Variants in SLC4A5 observed in about 807,000 individuals in gnomAD.
SLC4A5 encodes the protein solute carrier family 4 member 5.
A neutral mutation model predicts 120.4 loss-of-function variants in SLC4A5; 96 were observed. The observed-to-expected ratio is 0.80, with a 90% CI of 0.68 to 0.94. The LOEUF (loss-of-function observed/expected upper bound fraction) is 0.94, where lower values mean the gene tolerates loss of function less well. SLC4A5 is among the 40% of genes least tolerant of loss of function. The pLI is 0.00. For synonymous variants in SLC4A5, 550 were observed against 571.1 expected (o/e 0.96, Z 0.53); for missense variants, 1,259 against 1,459.5 (o/e 0.86, Z 2.24).
chr2:74,233,508 C>T lies in SLC4A5; in HGVS notation c.2489G>A (p.Trp830Ter), dbSNP rs1242496504. Reference sequence around the variant, plus strand: ...GGGCAGGATGCTTGCTGGGTATACCCACCACGGGTTCTTCCCAAAGGGGGC... The same window carrying T: ...GGGCAGGATGCTTGCTGGGTATACCTACCACGGGTTCTTCCCAAAGGGGGC... Residue 830 changes from tryptophan (W) to a stop codon, truncating the protein, a stop_gained, in exon 23 of 31, where the codon TGG becomes TAG. Transcript: ENST00000394019. LOFTEE classifies it high-confidence loss of function. The T allele has an allele frequency of 6.2e-7, 1 of 1,614,102 alleles. No homozygotes were observed. The highest frequency in any genetic ancestry group is 8.5e-7 in the Non-Finnish European group (1 of 1,179,974).
intron 7 of SLC4A5, among the ~76,000 whole-genome samples, chr2:74,288,046 C>A (rs1010883120): frequency 1.3e-5 from 2 of 152,282 alleles, no homozygotes; most frequent in African/African-American, 2.4e-5. Flanking sequence ...TTGACAAAGG[C>A]AGAGGTTTCA....
At position 74,255,817 on chromosome 2, in the gene SLC4A5, G is replaced by T; in HGVS notation, c.983C>A (p.Ser328Ter). The stretch of plus-strand genomic sequence containing the variant: ...CTCGGTCACTCCTCCCAGCATGGCC[G>T]ACTGGATGAGGCGCACGAACGCGAT... The change falls in exon 13 of 31, where the codon TCG (serine) becomes TAG (stop). Residue 328 changes from serine (S) to a stop codon, truncating the protein, a stop_gained. Coordinates refer to ENST00000394019, the Ensembl canonical transcript of SLC4A5. LOFTEE classifies it high-confidence loss of function. This position sits in a 1 kb window ranked among gnomAD's most constrained non-coding sequence, Gnocchi z 4.0. 6.2e-7 allele frequency: 1 copy of T among 1,614,162 alleles called. No individual in the cohort carries two copies. Among genetic ancestry groups the T allele is most frequent in the Non-Finnish European group, 8.5e-7 (1 of 1,180,028 alleles).
rs74733447 is a variant in SLC4A5 at position 74,300,648 on chromosome 2, T to C, written c.271+3841A>G. Among the ~76,000 whole-genome samples the C allele has an allele frequency of 5.2e-4, 79 of 152,296 alleles. 1 individual carries two copies. In the East Asian group the frequency reaches 0.014, roughly 28 times the overall value. The stretch of plus-strand genomic sequence containing the variant: ...CACCACCTAGGCCTATGTGCTCCTG[T>C]TTCTCCTCCTATAGTTTCCTGTGCA... On this transcript the variant is annotated intron_variant, in intron 7 of 30. Coordinates refer to ENST00000394019, the Ensembl canonical transcript of SLC4A5.
chr2:74,301,066 G>A (rs187436723), intron 7 of SLC4A5, among the ~76,000 whole-genome samples: 2 of 152,188 alleles, frequency 1.3e-5, no homozygotes, highest in African/African-American at 2.4e-5. Flanking sequence ...CATCTAACAC[G>A]TCAGGCAGCT....
chr2:74,295,226 G>A (rs575843128), intron 7 of SLC4A5, among the ~76,000 whole-genome samples: 7 of 152,136 alleles, frequency 4.6e-5, no homozygotes, highest in Non-Finnish European at 1.0e-4. Flanking sequence ...TGGGGGGTGG[G>A]AGTTGCCAAA....
intron 15 of SLC4A5, 112 bp downstream of exon 15, chr2:74,252,862 A>T (rs1670835795): frequency 1.5e-6 from 2 of 1,300,638 alleles, no homozygotes; most frequent in Admixed American, 3.9e-5. Context: ...TGTTGAGATT[A>T]CAGGCATGAG....
chr2:74,311,513 G>A (rs1348699054), intron 6 of SLC4A5, among the ~76,000 whole-genome samples: 1 of 152,004 alleles, frequency 6.6e-6, no homozygotes, highest in Non-Finnish European at 1.5e-5. Context: ...TTTTCATTTA[G>A]TCCAAAATAT....
At chr2:74,339,269 A>G (rs2104357854) in intron 2 of SLC4A5, 1 of 152,370 alleles carries the variant, frequency 6.6e-6, no homozygotes, top group South Asian at 2.1e-4. Context: ...CAGGAAGAAC[A>G]GCTAATATTT....
At chr2:74,334,817 T>A (rs1374886773) in intron 3 of SLC4A5, among the ~76,000 whole-genome samples, 2 of 152,074 alleles carry the variant, frequency 1.3e-5, no homozygotes, top group East Asian at 3.9e-4. Context: ...TGAATCAATG[T>A]GAAACCTTAG....
intron 17 of SLC4A5, among the ~76,000 whole-genome samples, chr2:74,248,799 T>A (rs1322336603): frequency 6.6e-6 from 1 of 152,248 alleles, no homozygotes; most frequent in African/African-American, 2.4e-5. Context: ...CATTTATCCA[T>A]CTGATTATTC....
At chr2:74,334,632 T>C (rs912636686) in intron 3 of SLC4A5, among the ~76,000 whole-genome samples, 13 of 152,208 alleles carry the variant, frequency 8.5e-5, no homozygotes, top group African/African-American at 3.1e-4. Flanking sequence ...AGAAAGTTTG[T>C]CTTATTCACT....
In SLC4A5 at chr2:74,255,055, G is replaced by A. The variant is rs781582576; in HGVS notation, c.1026-349C>T. On this transcript the variant is annotated intron_variant, in intron 13 of 30. Transcript: ENST00000394019. The surrounding 1 kb of genome is among the most constrained non-coding windows in gnomAD (Gnocchi z 4.0). ...AGGCTGGTCTCCAACTCCTGGGCTC[G>A]AGCAATTCACCCGCCTTGGCCTCCC... 5.3e-5 allele frequency among the ~76,000 whole-genome samples: 8 copies of A among 151,786 alleles called. No individual in the cohort carries two copies. Among genetic ancestry groups the A allele is most frequent in the South Asian group, 4.2e-4 (2 of 4,792 alleles).
chr2:74,231,379 T>A, intron 24 of SLC4A5, 71 bp from the exon 25 acceptor site: 1 of 1,379,774 alleles, frequency 7.2e-7, no homozygotes, highest in Non-Finnish European at 1.0e-6. Flanking sequence ...CTCCTGCCCC[T>A]CTGTGGGCAC....
chr2:74,237,262 C>A (rs1670299049), intron 21 of SLC4A5, among the ~76,000 whole-genome samples: 1 of 152,182 alleles, frequency 6.6e-6, no homozygotes, highest in Non-Finnish European at 1.5e-5. Context: ...AGGCGTGAGC[C>A]ACTGTGCCTG....
chr2:74,227,394 G>A (rs1196593747), intron 26 of SLC4A5: 7 of 1,393,234 alleles, frequency 5.0e-6, no homozygotes, highest in Non-Finnish European at 2.0e-6. Context: ...GAAAGTGCAA[G>A]TTAATTGTAA....
Position 74,285,914 on chromosome 2 carries a change from G to A in SLC4A5, c.272-12C>T, listed in dbSNP as rs766244884. 1 of 1,582,752 alleles carries A rather than the reference G, an allele frequency of 6.3e-7. No individual in the cohort carries two copies. The highest frequency in any genetic ancestry group is 8.6e-7 in the Non-Finnish European group (1 of 1,163,984). ...AGCAGCTGGGGACCCTGCAAAAGAG[G>A]GGCAGCAGGTCTGCTGAGTGTCCCA... On this transcript the variant is annotated splice_polypyrimidine_tract_variant and intron_variant, in intron 7 of 30. Transcript: ENST00000394019.
intron 5 of SLC4A5, among the ~76,000 whole-genome samples, chr2:74,326,864 GAC>G (rs1450175329): frequency 1.3e-5 from 2 of 152,098 alleles, no homozygotes; most frequent in African/African-American, 4.8e-5. Flanking sequence ...CTAGCAAACA[GAC>G]ACACAGGGGT....
At chr2:74,275,201 G>A (rs990627857) in intron 8 of SLC4A5, among the ~76,000 whole-genome samples, 5 of 152,184 alleles carry the variant, frequency 3.3e-5, no homozygotes, top group Non-Finnish European at 7.4e-5. Flanking sequence ...TGTGGCATTC[G>A]AGGGAGCTGT....
chr2:74,283,536 G>A (rs1470859040), intron 8 of SLC4A5, among the ~76,000 whole-genome samples: 3 of 152,168 alleles, frequency 2.0e-5, no homozygotes, highest in Non-Finnish European at 4.4e-5. Context: ...ACGTGGAGTG[G>A]GGAAAACCTG....
Sources: gnomAD v4.1 joint callset for allele counts (sites outside exome capture counted in the v4.1 genomes callset) on GRCh38, gnomAD v4.1.1 for gene constraint, Gnocchi (gnomAD v3.1) non-coding constraint, MANE v1.5 for transcripts, NCBI Gene and HGNC (gene_info 2026-07-23, HGNC 2026-07-21) for gene names.